Variants in ACTL8 observed in about 807,000 individuals in gnomAD.
ACTL8 encodes the protein actin like 8.
A neutral mutation model predicts 9.3 loss-of-function variants in ACTL8; 3 were observed. That is an observed-to-expected ratio of 0.32 (90% CI 0.15 to 0.83). The LOEUF (loss-of-function observed/expected upper bound fraction) is 0.83, where lower values mean the gene tolerates loss of function less well. Ranked by LOEUF, ACTL8 falls within the 40% of genes least tolerant of loss-of-function variation. The pLI is 0.57. For synonymous variants in ACTL8, 224 were observed against 205.9 expected (o/e 1.09, Z -0.75); for missense variants, 381 against 492.2 (o/e 0.77, Z 2.14).
intron 1 of ACTL8, among the ~76,000 whole-genome samples, chr1:17,812,913 A>G (rs901643767): frequency 1.1e-4 from 16 of 152,196 alleles, no homozygotes; most frequent in African/African-American, 3.4e-4. Flanking sequence ...GTTATTGTCA[A>G]TGATACTTTT....
intron 1 of ACTL8, among the ~76,000 whole-genome samples, chr1:17,799,598 C>T (rs2066305807): frequency 1.3e-5 from 2 of 151,840 alleles, no homozygotes; most frequent in Non-Finnish European, 2.9e-5. Context: ...TTGTTGCTTC[C>T]TCTCTTTTTT....
chr1:17,779,714 G>A (rs2066141316), intron 1 of ACTL8, among the ~76,000 whole-genome samples: 1 of 152,148 alleles, frequency 6.6e-6, no homozygotes, highest in Non-Finnish European at 1.5e-5. Flanking sequence ...TACCGCTAAA[G>A]GGGACAGACC....
chr1:17,809,212 A>G (rs1570037331), intron 1 of ACTL8, among the ~76,000 whole-genome samples: 1 of 152,168 alleles, frequency 6.6e-6, no homozygotes, highest in Non-Finnish European at 1.5e-5. Context: ...GGTGCTTGGG[A>G]GAGGTAGACA....
chr1:17,763,532 G>A (rs1355074655), intron 1 of ACTL8, among the ~76,000 whole-genome samples: 1 of 152,132 alleles, frequency 6.6e-6, no homozygotes, highest in African/African-American at 2.4e-5. Flanking sequence ...CCCTCCCCGT[G>A]TCCCCTGCCT....
intron 1 of ACTL8, among the ~76,000 whole-genome samples, chr1:17,789,357 A>T (rs374934352): frequency 6.6e-6 from 1 of 152,204 alleles, no homozygotes; most frequent in Admixed American, 6.5e-5. Context: ...TCCTTCTCAC[A>T]TATCACCCCT....
intron 1 of ACTL8, among the ~76,000 whole-genome samples, chr1:17,792,748 T>G (rs2066249344): frequency 6.6e-6 from 1 of 152,202 alleles, no homozygotes; most frequent in South Asian, 2.1e-4. Flanking sequence ...GTGATGACTT[T>G]TCTTGACATG....
rs542915135 is a variant in ACTL8 at position 17,786,134 on chromosome 1, A to AGCATGGT, written c.-25+30633_-25+30639dup. 4.1e-4 allele frequency among the ~76,000 whole-genome samples: 63 copies of AGCATGGT among 152,344 alleles called. 1 individual carries two copies. The East Asian group carries it at 0.011, about 27-fold the overall frequency. ...GTGGTCCTCTCCATAGGCAGAGCCC[A>AGCATGGT]GCATGGTGCTTTGCTTCTTCAAGGT... On this transcript the variant is annotated intron_variant, in intron 1 of 2. Transcript: ENST00000375406.
intron 1 of ACTL8, among the ~76,000 whole-genome samples, chr1:17,756,544 CT>C (rs2065970563): frequency 6.6e-6 from 1 of 152,122 alleles, no homozygotes; most frequent in Non-Finnish European, 1.5e-5. Context: ...TAATTCAGTT[CT>C]CTATTATAAG....
At chr1:17,779,796 A>G (rs2066142176) in intron 1 of ACTL8, among the ~76,000 whole-genome samples, 1 of 152,186 alleles carries the variant, frequency 6.6e-6, no homozygotes. Context: ...TCATAACTTT[A>G]TAGGCTAAAA....
chr1:17,798,671 T>TA (rs1315420098), intron 1 of ACTL8, among the ~76,000 whole-genome samples: 1 of 152,214 alleles, frequency 6.6e-6, no homozygotes, highest in African/African-American at 2.4e-5. Flanking sequence ...AACTGCTTTT[T>TA]AAAAAAATCT....
At chr1:17,810,273 T>G (rs762368196) in intron 1 of ACTL8, among the ~76,000 whole-genome samples, 19 of 152,202 alleles carry the variant, frequency 1.2e-4, no homozygotes, top group Non-Finnish European at 2.1e-4. Flanking sequence ...TCATATATAT[T>G]CACTAGTTAC....
chr1:17,765,386 A>C (rs963971106), intron 1 of ACTL8, among the ~76,000 whole-genome samples: 14 of 151,728 alleles, frequency 9.2e-5, no homozygotes, highest in African/African-American at 3.2e-4. Context: ...CCTCCAAACC[A>C]CCTCTGCTTG....
intron 1 of ACTL8, among the ~76,000 whole-genome samples, chr1:17,758,149 G>T (rs2065979462): frequency 6.6e-6 from 1 of 152,220 alleles, no homozygotes; most frequent in Admixed American, 6.5e-5. Flanking sequence ...TATAGAGGCT[G>T]CCTCCATTGA....
chr1:17,825,562 C>A (rs1308996890), intron 2 of ACTL8, among the ~76,000 whole-genome samples: 2 of 152,228 alleles, frequency 1.3e-5, no homozygotes, highest in African/African-American at 4.8e-5. Flanking sequence ...CACGACCAGA[C>A]AAGCTCCTGA....
intron 1 of ACTL8, among the ~76,000 whole-genome samples, chr1:17,791,357 G>A (rs1167676205): frequency 6.6e-6 from 1 of 152,164 alleles, no homozygotes; most frequent in Non-Finnish European, 1.5e-5. Context: ...CATTGGCTAC[G>A]AAGAGGAAAC....
intron 1 of ACTL8, among the ~76,000 whole-genome samples, chr1:17,778,570 AAAAG>A (rs2066132185): frequency 6.6e-6 from 1 of 152,194 alleles, no homozygotes; most frequent in Non-Finnish European, 1.5e-5. Flanking sequence ...AAGCAGTAGT[AAAAG>A]AAAGAATAGT....
At chr1:17,803,755 G>A (rs1245613204) in intron 1 of ACTL8, among the ~76,000 whole-genome samples, 1 of 152,190 alleles carries the variant, frequency 6.6e-6, no homozygotes, top group Admixed American at 6.5e-5. Context: ...TCAGCAGAAG[G>A]TCTCTATGAC....
chr1:17,756,452 C>T (rs2065969873), intron 1 of ACTL8, among the ~76,000 whole-genome samples: 1 of 152,166 alleles, frequency 6.6e-6, no homozygotes, highest in Admixed American at 6.5e-5. Context: ...CATCTCAGCT[C>T]TGTGGGTTGT....
intron 1 of ACTL8, among the ~76,000 whole-genome samples, chr1:17,791,031 G>C (rs548923152): frequency 6.6e-6 from 1 of 152,176 alleles, no homozygotes; most frequent in Admixed American, 6.5e-5. Context: ...ATGAGGGTTG[G>C]GGGGAGGGGG....
Sources: allele counts gnomAD v4.1 joint callset (sites outside exome capture counted in the v4.1 genomes callset), GRCh38; gene constraint gnomAD v4.1.1; transcripts MANE v1.5; gene names NCBI Gene and HGNC (gene_info 2026-07-23, HGNC 2026-07-21).